GSDMA: variants seen among roughly 807,000 people sequenced by gnomAD.
GSDMA encodes gasdermin A, also known as gasdermin-A.
In GSDMA, 55 loss-of-function variants were observed where a neutral mutation model predicts 54.3. The ratio of observed to expected loss-of-function variants is 1.01; its 90% CI spans 0.82 to 1.27. The LOEUF is 1.27. Among genes scored for constraint, GSDMA ranks in the 50% most tolerant of loss-of-function variants. The pLI is 0.00. For synonymous variants in GSDMA, 211 were observed against 224.7 expected (o/e 0.94, Z 0.54); for missense variants, 542 against 542.6 (o/e 1.00, Z 0.01).
rs1410034123 is a variant in GSDMA at position 39,976,821 on chromosome 17, G to C, written c.1101G>C (p.Glu367Asp). 2 of 1,613,820 alleles carry C rather than the reference G, an allele frequency of 1.2e-6. No individual in the cohort carries two copies. The highest frequency in any genetic ancestry group is 4.5e-5 in the East Asian group (2 of 44,904). The change falls in exon 12 of 12, where the codon GAG becomes GAC. Residue 367 changes from glutamate (E) to aspartate (D), a missense_variant. Coordinates refer to ENST00000301659, the MANE Select transcript of GSDMA (RefSeq NM_178171.5). ...KILPVQLKLV[E>D]STMEQNFLLD... is the part of the protein sequence containing the mutation. ...GCTGTTTTGATTCCCTCCAGGTGGA[G>C]AGCACGATGGAACAGAACTTCCTGC...
intron 1 of GSDMA, among the ~76,000 whole-genome samples, chr17:39,963,907 CA>C (rs1979521098): frequency 6.6e-6 from 1 of 152,158 alleles, no homozygotes; most frequent in Non-Finnish European, 1.5e-5. Context: ...CCACATTCTC[CA>C]GGGCCCTCTC....
intron 3 of GSDMA, among the ~76,000 whole-genome samples, chr17:39,967,186 G>A (rs1979708543): frequency 6.6e-6 from 1 of 152,206 alleles, no homozygotes. Flanking sequence ...GTCTAGGAAG[G>A]TGAAAATTTT....
chr17:39,973,879 T>C (rs1980074979), intron 8 of GSDMA, 49 bp downstream of exon 8: 1 of 1,553,290 alleles, frequency 6.4e-7, no homozygotes, highest in African/African-American at 1.4e-5. Flanking sequence ...GGAGGTAGCA[T>C]TAGGGGCAGA....
intron 8 of GSDMA, 130 bp from the exon 9 acceptor site, chr17:39,974,143 C>A: frequency 1.0e-6 from 1 of 996,112 alleles, no homozygotes; most frequent in South Asian, 1.8e-5. Flanking sequence ...AAAAATGGGG[C>A]CAGGCTCAAA....
At chr17:39,972,675 T>C (rs1364674247) in intron 7 of GSDMA, 62 bp downstream of exon 7, 2 of 1,401,006 alleles carry the variant, frequency 1.4e-6, no homozygotes, top group African/African-American at 2.8e-5. Flanking sequence ...ACTCCAGTCT[T>C]TTTCTTTCCT....
chr17:39,972,102 C>A, intron 5 of GSDMA, 27 bp from the exon 6 acceptor site: 1 of 530,342 alleles, frequency 1.9e-6, no homozygotes, highest in Non-Finnish European at 3.8e-6. Context: ...AAGTGTCCTC[C>A]CACCCTCCCT....
At chr17:39,967,409 G>C (rs369558866) in intron 3 of GSDMA, among the ~76,000 whole-genome samples, 1 of 152,160 alleles carries the variant, frequency 6.6e-6, no homozygotes, top group South Asian at 2.1e-4. Context: ...AGGCACACAG[G>C]TGAGCAATCT....
rs779614691 is a variant in GSDMA at position 39,974,859 on chromosome 17, T to C, written c.907-41T>C. ...TGTGCTGGGCCCTGGGTTGGGCCCT[T>C]TCCTATGTTATCTTCAATAGTCGCC... is the stretch of plus-strand genomic sequence containing the variant. On this transcript the variant is annotated intron_variant, in intron 9 of 11. Coordinates refer to ENST00000301659, the MANE Select transcript of GSDMA (RefSeq NM_178171.5). 5 of 1,201,022 alleles carry C rather than the reference T, an allele frequency of 4.2e-6. No homozygotes were observed. In the Admixed American group the frequency reaches 9.8e-5, roughly 24 times the overall value. 74.4% of individuals were successfully genotyped at this position (1,201,022 alleles called of 1,614,324 possible).
chr17:39,974,461 G>T, intron 9 of GSDMA, 34 bp downstream of exon 9: 1 of 1,532,644 alleles, frequency 6.5e-7, no homozygotes, highest in South Asian at 1.2e-5. Flanking sequence ...AAGGGTGGGA[G>T]AAGGCATGTT....
intron 3 of GSDMA, among the ~76,000 whole-genome samples, chr17:39,967,974 C>T (rs1979746515): frequency 6.6e-6 from 1 of 152,200 alleles, no homozygotes; most frequent in Non-Finnish European, 1.5e-5. Flanking sequence ...TATCCAGCCT[C>T]AGCCTCTCAA....
intron 2 of GSDMA, 114 bp from the exon 3 acceptor site, chr17:39,966,146 C>G: frequency 8.6e-7 from 1 of 1,165,104 alleles, no homozygotes; most frequent in Non-Finnish European, 1.3e-6. Flanking sequence ...AGGCTGGTTT[C>G]AAACTCCTGG....
Position 39,974,272 on chromosome 17 carries a change from G to C in GSDMA, c.752-1G>C. ...TGTGTGTCCCATTATTGTCCCCATA[G>C]GGGACGTACACGAAGGCTTCAGGAC... On this transcript the variant is annotated splice_acceptor_variant, in intron 8 of 11. Coordinates refer to ENST00000301659, the MANE Select transcript of GSDMA (RefSeq NM_178171.5). LOFTEE classifies it high-confidence loss of function. The C allele has an allele frequency of 6.2e-7, 1 of 1,608,668 alleles. No individual in the cohort carries two copies. Among genetic ancestry groups the C allele is most frequent in the Non-Finnish European group, 8.5e-7 (1 of 1,177,718 alleles).
intron 2 of GSDMA, 85 bp downstream of exon 2, chr17:39,965,986 C>A: frequency 7.8e-7 from 1 of 1,280,760 alleles, no homozygotes; most frequent in Non-Finnish European, 1.1e-6. Context: ...CTCAAAGCTC[C>A]CTCTGGCCAG....
chr17:39,973,872 G>A (rs1398954084), intron 8 of GSDMA, 42 bp downstream of exon 8: 2 of 1,574,254 alleles, frequency 1.3e-6, no homozygotes. Flanking sequence ...TTGGCATGGA[G>A]GTAGCATTAG....
rs370430499 is a variant in GSDMA at position 39,965,771 on chromosome 17, C to G, written c.84C>G (p.Ile28Met). Residue 28 changes from isoleucine (I) to methionine (M), a missense_variant, in exon 2 of 12, where the codon ATC (isoleucine) becomes ATG (methionine). By Grantham distance (10) the Ile-to-Met change is conservative. Coordinates refer to ENST00000301659, the MANE Select transcript of GSDMA (RefSeq NM_178171.5). Reference protein sequence around the residue: ...RGDLTPLDSLIDFKRFHPFCL... With the variant: ...RGDLTPLDSLMDFKRFHPFCL... ...ACCTGACACCACTTGACAGCCTCAT[C>G]GACTTCAAGCGCTTCCATCCCTTCT... 8.7e-6 allele frequency: 14 copies of G among 1,610,684 alleles called. No homozygotes were observed. The highest frequency in any genetic ancestry group is 1.1e-5 in the Non-Finnish European group (13 of 1,178,514).
Position 39,966,354 on chromosome 17 carries a change from A to G in GSDMA, c.309A>G (p.Gly103=), listed in dbSNP as rs769550730. ...VDVPKTVKVK[G]TAGLSQNSTL... ...TACCAAAGACGGTGAAGGTGAAGGG[A>G]ACGGCAGGGCTCTCGCAGAACAGCA... The change falls in exon 3 of 12, where the codon GGA becomes GGG. Residue 103 remains glycine (G), a synonymous_variant. Transcript: ENST00000301659. 1.2e-6 allele frequency: 2 copies of G among 1,613,946 alleles called. No individual in the cohort carries two copies. The highest frequency in any genetic ancestry group is 1.7e-6 in the Non-Finnish European group (2 of 1,179,884).
In GSDMA at chr17:39,966,385, G is replaced by T; in HGVS notation, c.340G>T (p.Glu114Ter). 6.2e-7 allele frequency: 1 copy of T among 1,613,762 alleles called. No homozygotes were observed. The highest frequency in any genetic ancestry group is 8.5e-7 in the Non-Finnish European group (1 of 1,179,816). The change falls in exon 3 of 12, where the codon GAG becomes TAG. Residue 114 changes from glutamate (E) to a stop codon, truncating the protein, a stop_gained. Transcript: ENST00000301659. LOFTEE classifies it high-confidence loss of function. Reference protein sequence around the residue: ...TAGLSQNSTLEVQTLSVAPKA... With the variant: ...TAGLSQNSTL ...AGGGCTCTCGCAGAACAGCACTCTG[G>T]AGGTCCAGACACTCAGTGTGGCTCC...
Position 39,974,342 on chromosome 17 carries a change from T to C in GSDMA, c.821T>C (p.Leu274Pro), listed in dbSNP as rs890649925. 4.4e-6 allele frequency: 7 copies of C among 1,608,328 alleles called. No individual in the cohort carries two copies. The highest frequency in any genetic ancestry group is 5.9e-6 in the Non-Finnish European group (7 of 1,177,412). ...VQRETQQVEK[L>P]SRVGQSSLLS... is the part of the protein sequence containing the mutation. ...AGAGAGACCCAACAAGTGGAGAAGC[T>C]GAGCCGAGTAGGGCAAAGCTCCCTG... Residue 274 changes from leucine to proline, a missense_variant, in exon 9 of 12, where the codon CTG becomes CCG. Physicochemically the swap from Leu to Pro is moderately conservative, Grantham distance 98 (BLOSUM62 -3). Coordinates refer to ENST00000301659, the MANE Select transcript of GSDMA (RefSeq NM_178171.5).
intron 7 of GSDMA, 86 bp downstream of exon 7, chr17:39,972,699 A>G: frequency 8.8e-7 from 1 of 1,139,330 alleles, no homozygotes; most frequent in South Asian, 1.3e-5. Flanking sequence ...GACAGGACTG[A>G]CAGGGAAATA....
Sources: gnomAD v4.1 joint callset for allele counts (sites outside exome capture counted in the v4.1 genomes callset) on GRCh38, gnomAD v4.1.1 for gene constraint, MANE v1.5 for transcripts, NCBI Gene and HGNC (gene_info 2026-07-23, HGNC 2026-07-21) for gene names.